SEC63: variants seen among roughly 807,000 people sequenced by gnomAD.
The protein encoded by SEC63 is SEC63 protein translocation regulator.
SEC63 carries 56 observed loss-of-function variants against 116.2 expected under a neutral mutation model. The ratio of observed to expected loss-of-function variants is 0.48; its 90% CI spans 0.39 to 0.60. The LOEUF is 0.60. Ranked by LOEUF, SEC63 falls within the 20% of genes least tolerant of loss-of-function variation. The probability of loss-of-function intolerance (pLI) is 0.00; values close to 1 mark genes in which losing one functional copy is unlikely to be tolerated. For synonymous variants in SEC63, 273 were observed against 294.6 expected (o/e 0.93, Z 0.75); for missense variants, 668 against 900.0 (o/e 0.74, Z 3.30).
chr6:107,944,355 G>C (rs543342520), intron 1 of SEC63, among the ~76,000 whole-genome samples: 1 of 152,282 alleles, frequency 6.6e-6, no homozygotes, highest in African/African-American at 2.4e-5. Flanking sequence ...TATCCAAGTG[G>C]AAATGTGGGT....
chr6:107,909,949 A>G (rs1055728098), intron 7 of SEC63, among the ~76,000 whole-genome samples: 2 of 152,200 alleles, frequency 1.3e-5, no homozygotes, highest in Non-Finnish European at 2.9e-5. Flanking sequence ...CTGTTTTAAA[A>G]AATGAGGCTT....
intron 11 of SEC63, among the ~76,000 whole-genome samples, chr6:107,903,578 A>G (rs1232582693): frequency 6.6e-6 from 1 of 152,118 alleles, no homozygotes; most frequent in Non-Finnish European, 1.5e-5. Flanking sequence ...TGTGGTATGC[A>G]CCTGTAGTTC....
At chr6:107,897,864 A>T in intron 13 of SEC63, 133 bp from the exon 14 acceptor site, 3 of 686,770 alleles carry the variant, frequency 4.4e-6, no homozygotes, top group South Asian at 3.2e-5. Flanking sequence ...TAAATTTGTT[A>T]AAAAAATAAC....
rs1031651804 is a variant in SEC63, at chr6:107,881,095, C to T, written c.1935+54G>A. 2.3e-6 allele frequency: 3 copies of T among 1,277,688 alleles called. No individual in the cohort carries two copies. The Admixed American group carries it at 5.0e-5, about 21-fold the overall frequency. 79.1% of individuals were successfully genotyped at this position (1,277,688 alleles called of 1,614,324 possible). Reference sequence around the variant, plus strand: ...GAGGGCTAAAAGTCAACTGACAAATCCCTGAGGAGAAAGTGAATGGAATAA... The same window carrying T: ...GAGGGCTAAAAGTCAACTGACAAATTCCTGAGGAGAAAGTGAATGGAATAA... On this transcript the variant is annotated intron_variant, in intron 18 of 20. Coordinates refer to ENST00000369002, the MANE Select transcript of SEC63 (RefSeq NM_007214.5).
chr6:107,877,571 G>C (rs1415532513), intron 18 of SEC63, among the ~76,000 whole-genome samples: 1 of 151,996 alleles, frequency 6.6e-6, no homozygotes, highest in African/African-American at 2.4e-5. Flanking sequence ...AGCTTCCCAA[G>C]TAGCTGAGAC....
chr6:107,902,822 C>T (rs1787038237), intron 12 of SEC63, 22 bp downstream of exon 12: 1 of 1,611,652 alleles, frequency 6.2e-7, no homozygotes, highest in African/African-American at 1.3e-5. Flanking sequence ...TGAAAACTGA[C>T]TTTAAAGTAG....
At chr6:107,912,208 T>C (rs971260136) in intron 6 of SEC63, among the ~76,000 whole-genome samples, 5 of 152,234 alleles carry the variant, frequency 3.3e-5, no homozygotes, top group African/African-American at 1.2e-4. Context: ...CTTGACATTT[T>C]AGGGTTGCAG....
intron 9 of SEC63, 22 bp downstream of exon 9, chr6:107,906,661 G>C: frequency 6.2e-7 from 1 of 1,608,196 alleles, no homozygotes. Context: ...GCTCATCGGG[G>C]GATTTGGGAA....
chr6:107,921,034 C>A (rs1787544366), intron 4 of SEC63, among the ~76,000 whole-genome samples: 1 of 152,100 alleles, frequency 6.6e-6, no homozygotes, highest in Admixed American at 6.5e-5. Flanking sequence ...CACATCTCAA[C>A]AAGTACAGTT....
intron 16 of SEC63, 103 bp downstream of exon 16, chr6:107,893,379 G>A (rs1786734533): frequency 4.5e-6 from 5 of 1,109,878 alleles, no homozygotes; most frequent in Non-Finnish European, 5.4e-6. Context: ...TATCACGGGT[G>A]CATAAATTAT....
intron 1 of SEC63, among the ~76,000 whole-genome samples, chr6:107,931,430 T>C (rs1787803602): frequency 6.6e-6 from 1 of 151,016 alleles, no homozygotes; most frequent in African/African-American, 2.4e-5. Context: ...AAAAATAGTA[T>C]GTATTGTTTT....
intron 1 of SEC63, among the ~76,000 whole-genome samples, chr6:107,949,291 G>C (rs1241552403): frequency 6.6e-6 from 1 of 152,024 alleles, no homozygotes; most frequent in Admixed American, 6.6e-5. Flanking sequence ...CAATATTTAG[G>C]ATGTTTAATG....
chr6:107,869,175 C>T lies in SEC63; in HGVS notation c.*2529G>A, dbSNP rs1220204808. 6.6e-6 allele frequency: 1 copy of T among 151,840 alleles called. No individual in the cohort carries two copies. The highest frequency in any genetic ancestry group is 1.5e-5 in the Non-Finnish European group (1 of 68,004). 9.4% of individuals were successfully genotyped at this position (151,840 alleles called of 1,614,324 possible). ...AGAAGGTATTGTTCTACACAGAGAA[C>T]TTCACTCAATGTGCTCCCTAACTTA... On this transcript the variant is annotated 3_prime_UTR_variant, in exon 21 of 21. Transcript: ENST00000369002.
chr6:107,905,718 T>G (rs144345578), intron 10 of SEC63, among the ~76,000 whole-genome samples: 15 of 152,248 alleles, frequency 9.9e-5, no homozygotes, highest in African/African-American at 2.6e-4. Flanking sequence ...TGAAATCCAT[T>G]TTGCTCCCTC....
intron 16 of SEC63, among the ~76,000 whole-genome samples, chr6:107,888,718 T>C (rs1190805864): frequency 1.3e-5 from 2 of 152,226 alleles, no homozygotes; most frequent in Non-Finnish European, 2.9e-5. Flanking sequence ...AGTATGATAC[T>C]GGCTGTGGGT....
chr6:107,899,683 C>T (rs1786952642), intron 13 of SEC63, among the ~76,000 whole-genome samples: 1 of 151,010 alleles, frequency 6.6e-6, no homozygotes, highest in African/African-American at 2.4e-5. Context: ...AGTGCCACTG[C>T]ACTTCAGCCT....
At chr6:107,952,989 G>A (rs555368755) in intron 1 of SEC63, among the ~76,000 whole-genome samples, 14 of 152,334 alleles carry the variant, frequency 9.2e-5, no homozygotes, top group African/African-American at 2.9e-4. Flanking sequence ...CCAGGGAACA[G>A]TGGCTCACGC....
chr6:107,941,436 C>T (rs1272707160), intron 1 of SEC63, among the ~76,000 whole-genome samples: 1 of 151,414 alleles, frequency 6.6e-6, no homozygotes, highest in African/African-American at 2.4e-5. Context: ...CCAGGAGATC[C>T]AGGCTGCAAT....
chr6:107,898,699 TAAAAC>T (rs1239762257), intron 13 of SEC63, among the ~76,000 whole-genome samples: 6 of 152,196 alleles, frequency 3.9e-5, no homozygotes, highest in Admixed American at 3.9e-4. Flanking sequence ...ATAAAGTTAA[TAAAAC>T]AAAATAAATA....
Sources: gnomAD v4.1 joint callset for allele counts (sites outside exome capture counted in the v4.1 genomes callset) on GRCh38, gnomAD v4.1.1 for gene constraint, MANE v1.5 for transcripts, NCBI Gene and HGNC (gene_info 2026-07-23, HGNC 2026-07-21) for gene names.